Variants in RGS3 observed in about 807,000 individuals in gnomAD.
The protein encoded by RGS3 is regulator of G protein signaling 3.
RGS3 carries 80 observed loss-of-function variants against 132.6 expected under a neutral mutation model. That is an observed-to-expected ratio of 0.60 (90% confidence interval 0.50 to 0.73). RGS3 has a LOEUF of 0.73. Ranked by LOEUF, RGS3 falls within the 30% of genes least tolerant of loss-of-function variation. The pLI, the probability that RGS3 is intolerant of heterozygous loss-of-function variation, is 0.00. For missense variants in RGS3, 1,382 were observed against 1,530.8 expected (o/e 0.90, Z 1.62); for synonymous variants, 598 against 620.6 (o/e 0.96, Z 0.54).
exon 20 of RGS3, chr9:113,583,665 A>G: frequency 6.2e-7 from 1 of 1,614,008 alleles, no homozygotes; most frequent in African/African-American, 1.3e-5. Flanking sequence ...CCTCTGAAGG[A>G]TCCCCTCCAG....
chr9:113,548,713 C>T (rs10981819), intron 19 of RGS3, among the ~76,000 whole-genome samples: 18,012 of 152,134 alleles, frequency 0.12, 1,284 homozygotes, highest in African/African-American at 0.19. Flanking sequence ...CCTGGAGGCC[C>T]GGAGAGCAGA....
intron 23 of RGS3, 197 bp from the exon 22 acceptor site, chr9:113,595,402 G>T: frequency 1.7e-6 from 1 of 597,204 alleles, no homozygotes; most frequent in Non-Finnish European, 3.0e-6. Flanking sequence ...CATAGAGAGG[G>T]GGAGACCCCA....
chr9:113,587,198 C>T (rs2119005430), intron 20 of RGS3, among the ~76,000 whole-genome samples: 1 of 150,276 alleles, frequency 6.7e-6, no homozygotes, highest in East Asian at 2.0e-4. Context: ...GTGGCTCTGC[C>T]CTAGACTCTG....
chr9:113,558,976 G>A (rs1417377158), intron 19 of RGS3, among the ~76,000 whole-genome samples: 1 of 152,232 alleles, frequency 6.6e-6, no homozygotes, highest in African/African-American at 2.4e-5. Context: ...GGAAACTGAG[G>A]CTTGGAGGTG....
chr9:113,576,536 T>G (rs1834534020), intron 19 of RGS3, among the ~76,000 whole-genome samples: 1 of 152,164 alleles, frequency 6.6e-6, no homozygotes, highest in South Asian at 2.1e-4. Context: ...TTCACCATGT[T>G]GGCCAGTATG....
chr9:113,492,469 A>G (rs2119261377), intron 7 of RGS3, among the ~76,000 whole-genome samples: 1 of 152,248 alleles, frequency 6.6e-6, no homozygotes, highest in South Asian at 2.1e-4. Context: ...TGCTATTTAA[A>G]TTCCTGGATG....
intron 4 of RGS3, among the ~76,000 whole-genome samples, chr9:113,480,315 C>T (rs147222330): frequency 1.3e-5 from 2 of 151,972 alleles, no homozygotes; most frequent in South Asian, 2.1e-4. Flanking sequence ...AAAAATTAGC[C>T]GGGTGTGGTG....
chr9:113,508,301 T>C (rs1205670829), intron 13 of RGS3, among the ~76,000 whole-genome samples: 1 of 152,206 alleles, frequency 6.6e-6, no homozygotes, highest in Non-Finnish European at 1.5e-5. Context: ...GTAAAGGAAG[T>C]TGGGGACTTG....
At chr9:113,518,855 A>G (rs930389601) in intron 16 of RGS3, among the ~76,000 whole-genome samples, 2 of 152,116 alleles carry the variant, frequency 1.3e-5, no homozygotes, top group African/African-American at 2.4e-5. Context: ...ACTTAGAGCT[A>G]TGTTTGGTGA....
intron 7 of RGS3, among the ~76,000 whole-genome samples, chr9:113,487,689 T>A (rs1194596436): frequency 6.6e-6 from 1 of 152,114 alleles, no homozygotes; most frequent in Non-Finnish European, 1.5e-5. Context: ...ATCTGCAAAC[T>A]CATTGACGTT....
chr9:113,481,128 A>G (rs1450251717), intron 4 of RGS3, among the ~76,000 whole-genome samples: 1 of 152,230 alleles, frequency 6.6e-6, no homozygotes, highest in Non-Finnish European at 1.5e-5. Flanking sequence ...GCCTGCCTTC[A>G]TCATCATTAA....
At chr9:113,498,485 T>G (rs7027340) in intron 10 of RGS3, among the ~76,000 whole-genome samples, 18,045 of 152,154 alleles carry the variant, frequency 0.12, 1,280 homozygotes, top group African/African-American at 0.19. Flanking sequence ...GAGACCAAGG[T>G]GTTCTAACTC....
exon 25 of RGS3, chr9:113,597,171 C>T (rs907498323): frequency 3.0e-5 from 15 of 492,258 alleles, no homozygotes; most frequent in Non-Finnish European, 4.7e-5. Context: ...TGCCCCGGTA[C>T]GAGGGGGCCC....
chr9:113,541,729 G>T lies in RGS3; in HGVS notation c.2037+4811G>T, dbSNP rs955059203. The T allele has an allele frequency of 8.6e-6, 9 of 1,051,502 alleles. No individual in the cohort carries two copies. The African/African-American group carries it at 1.0e-4, about 12-fold the overall frequency. 65.1% of individuals were successfully genotyped at this position (1,051,502 alleles called of 1,614,324 possible). On this transcript the variant is annotated intron_variant, in intron 19 of 24. Transcript: ENST00000350696. ...ACATTCCACATCTGGGCTTCCAGTG[G>T]TGGCTCCCGGACCTGCCTTGGGGGC...
chr9:113,482,812 G>A, intron 4 of RGS3: 3 of 761,036 alleles, frequency 3.9e-6, no homozygotes, highest in Non-Finnish European at 6.0e-6. Flanking sequence ...TAATGCATTG[G>A]TGAGGGTGCT....
chr9:113,495,990 A>G (rs767294532), intron 8 of RGS3, 144 bp downstream of exon 6: 54 of 745,522 alleles, frequency 7.2e-5, no homozygotes, highest in Non-Finnish European at 1.3e-4. Context: ...GGTGGCCTGC[A>G]TAGCAGCACT....
At chr9:113,518,387 T>A (rs1293040346) in intron 16 of RGS3, among the ~76,000 whole-genome samples, 1 of 152,212 alleles carries the variant, frequency 6.6e-6, no homozygotes, top group Non-Finnish European at 1.5e-5. Context: ...ACAGGAAGTT[T>A]GTATCGAGAC....
At chr9:113,548,777 G>C (rs1311537833) in intron 19 of RGS3, among the ~76,000 whole-genome samples, 5 of 152,232 alleles carry the variant, frequency 3.3e-5, no homozygotes, top group Admixed American at 6.5e-5. Context: ...TTGGCAGGCT[G>C]TTTTTCCCTG....
intron 19 of RGS3, among the ~76,000 whole-genome samples, chr9:113,539,758 G>A (rs1365646624): frequency 6.6e-6 from 1 of 152,206 alleles, no homozygotes. Context: ...TTCTTTAAAT[G>A]TCTTAAGGAA....
Sources: gnomAD v4.1 joint callset for allele counts (sites outside exome capture counted in the v4.1 genomes callset) on GRCh38, gnomAD v4.1.1 for gene constraint, MANE v1.5 for transcripts, NCBI Gene and HGNC (gene_info 2026-07-23, HGNC 2026-07-21) for gene names.